Variants in TBC1D22B observed in about 807,000 individuals in gnomAD.
TBC1D22B encodes chromosome 6 open reading frame 197.
TBC1D22B carries 32 observed loss-of-function variants against 69.1 expected under a neutral mutation model. The observed-to-expected ratio is 0.46, with a 90% CI of 0.35 to 0.62. TBC1D22B has a LOEUF of 0.62. Ranked by LOEUF, TBC1D22B falls within the 20% of genes least tolerant of loss-of-function variation. The probability of loss-of-function intolerance (pLI) is 0.00; values close to 1 mark genes in which losing one functional copy is unlikely to be tolerated. For missense variants in TBC1D22B, 462 were observed against 630.9 expected, an observed-to-expected ratio of 0.73 and a Z score of 2.87; for synonymous variants, 206 against 229.8, an observed-to-expected ratio of 0.90 and a Z score of 0.94.
At chr6:37,283,633 A>G (rs1397533052) in intron 5 of TBC1D22B, among the ~76,000 whole-genome samples, 1 of 152,258 alleles carries the variant, frequency 6.6e-6, no homozygotes, top group Non-Finnish European at 1.5e-5. Context: ...TCTTGCAACC[A>G]TGCAATCATT....
rs1290026745 is a variant in TBC1D22B, at chr6:37,265,439, AT to A, written c.57-4151del. 9.2e-5 allele frequency among the ~76,000 whole-genome samples: 14 copies of A among 151,850 alleles called. No homozygotes were observed. The East Asian group carries it at 2.7e-3, about 29-fold the overall frequency. On this transcript the variant is annotated intron_variant, in intron 1 of 12. Transcript: ENST00000373491. ...CCTGCAGTTTATCCTCTGATTTTAT[AT>A]TTTATTGTGAGGAGGGCTTGTGGGC... is the stretch of plus-strand genomic sequence containing the variant.
At position 37,291,283 on chromosome 6, in the gene TBC1D22B, C is replaced by A. The variant is rs1399312067; in HGVS notation, c.908C>A (p.Pro303His). The A allele has an allele frequency of 6.2e-7, 1 of 1,613,912 alleles. No homozygotes were observed. Among genetic ancestry groups the A allele is most frequent in the Non-Finnish European group, 8.5e-7 (1 of 1,179,954 alleles). ...RILFIWAIRH[P>H]ASGYVQGIND... ...CTATTTATTTGGGCCATCCGCCACC[C>A]TGCCAGTGGGTATGTCCAGGGAATT... Residue 303 changes from proline (P) to histidine (H), a missense_variant, in exon 8 of 13, where the codon CCT (proline) becomes CAT (histidine). Pro to His is a moderately conservative substitution (Grantham distance 77). Transcript: ENST00000373491.
Position 37,293,239 on chromosome 6 carries a change from G to A in TBC1D22B, c.982+1882G>A, listed in dbSNP as rs545840962. Among the ~76,000 whole-genome samples the A allele has an allele frequency of 8.8e-4, 133 of 151,786 alleles. 1 individual carries two copies. Among genetic ancestry groups the A allele is most frequent in the African/African-American group, 2.6e-3 (108 of 41,358 alleles). ...ACTACAGGCGCCTGCCACCACGCCC[G>A]GCTAATTTTTTGTGTTTTTAGTAGA... is the stretch of plus-strand genomic sequence containing the variant. On this transcript the variant is annotated intron_variant, in intron 8 of 12. Coordinates refer to ENST00000373491, the MANE Select transcript of TBC1D22B (RefSeq NM_017772.4).
chr6:37,325,637 C>T (rs1034011746), intron 12 of TBC1D22B, among the ~76,000 whole-genome samples: 1 of 150,140 alleles, frequency 6.7e-6, no homozygotes, highest in African/African-American at 2.5e-5. Flanking sequence ...GCCACCTCTG[C>T]CTCCCGGGTT....
At chr6:37,291,678 A>T (rs540668951) in intron 8 of TBC1D22B, among the ~76,000 whole-genome samples, 1 of 152,272 alleles carries the variant, frequency 6.6e-6, no homozygotes, top group East Asian at 1.9e-4. Flanking sequence ...CATCCATGTA[A>T]ACTGGAATTT....
intron 2 of TBC1D22B, among the ~76,000 whole-genome samples, chr6:37,272,623 A>G (rs1018485054): frequency 6.6e-6 from 1 of 152,142 alleles, no homozygotes; most frequent in Non-Finnish European, 1.5e-5. Context: ...CCCGGACTCA[A>G]GTGATCAGCC....
chr6:37,259,039 A>G (rs1007601161), intron 1 of TBC1D22B, among the ~76,000 whole-genome samples: 5 of 150,510 alleles, frequency 3.3e-5, no homozygotes, highest in Admixed American at 1.3e-4. Flanking sequence ...TTTAAATGAA[A>G]TAGAGACAAG....
intron 7 of TBC1D22B, among the ~76,000 whole-genome samples, chr6:37,288,580 A>G (rs1014858002): frequency 2.0e-5 from 3 of 152,056 alleles, no homozygotes; most frequent in Non-Finnish European, 4.4e-5. Context: ...CAAAAAAATT[A>G]CAGAATTAGC....
intron 2 of TBC1D22B, among the ~76,000 whole-genome samples, chr6:37,270,918 GAGA>G (rs1325399480): frequency 2.6e-5 from 4 of 152,186 alleles, no homozygotes; most frequent in East Asian, 3.8e-4. Context: ...TGGAGACAGT[GAGA>G]AGATCAGTTG....
chr6:37,312,660 T>C (rs755707686), intron 8 of TBC1D22B, among the ~76,000 whole-genome samples: 1 of 152,182 alleles, frequency 6.6e-6, no homozygotes, highest in Non-Finnish European at 1.5e-5. Context: ...AAGAGAAAGA[T>C]ATGTTGGACC....
At position 37,269,623 on chromosome 6, in the gene TBC1D22B, C is replaced by A. The variant is rs1483752706; in HGVS notation, c.86C>A (p.Pro29His). Reference protein sequence around the residue: ...SIQPVYGAQHPPLDPRLTKNF... With the variant: ...SIQPVYGAQHHPLDPRLTKNF... ...CAGCCTGTATATGGAGCACAGCATC[C>A]TCCTCTTGACCCACGGCTCACCAAA... Residue 29 changes from proline (P) to histidine (H), a missense_variant, in exon 2 of 13, where the codon CCT becomes CAT. Pro to His is a moderately conservative substitution (Grantham distance 77). This residue lies in a region of TBC1D22B where 237 missense variants were observed against 255.4 expected (regional missense o/e 0.93). Transcript: ENST00000373491. 6.2e-7 allele frequency: 1 copy of A among 1,614,120 alleles called. No individual in the cohort carries two copies. Among genetic ancestry groups the A allele is most frequent in the South Asian group, 1.1e-5 (1 of 91,076 alleles).
chr6:37,271,438 G>A (rs1276929257), intron 2 of TBC1D22B, among the ~76,000 whole-genome samples: 2 of 152,212 alleles, frequency 1.3e-5, no homozygotes, highest in African/African-American at 4.8e-5. Flanking sequence ...TGATTATAAT[G>A]TATTAGTGTA....
At chr6:37,325,171 T>C (rs1245499420) in intron 12 of TBC1D22B, among the ~76,000 whole-genome samples, 1 of 152,184 alleles carries the variant, frequency 6.6e-6, no homozygotes, top group Non-Finnish European at 1.5e-5. Context: ...TTGTTTTTTT[T>C]CCACCCATCA....
At chr6:37,294,324 A>G (rs1562053692) in intron 8 of TBC1D22B, among the ~76,000 whole-genome samples, 1 of 152,038 alleles carries the variant, frequency 6.6e-6, no homozygotes, top group Non-Finnish European at 1.5e-5. Flanking sequence ...CACCCACCAC[A>G]CCCGGCTAAC....
intron 8 of TBC1D22B, among the ~76,000 whole-genome samples, chr6:37,301,410 C>T (rs73421970): frequency 0.032 from 4,849 of 152,282 alleles, 242 homozygotes; most frequent in African/African-American, 0.11. Context: ...CCTCCCATCC[C>T]GTGTATCCCT....
At chr6:37,308,331 A>C (rs1562061578) in intron 8 of TBC1D22B, among the ~76,000 whole-genome samples, 1 of 152,176 alleles carries the variant, frequency 6.6e-6, no homozygotes, top group Non-Finnish European at 1.5e-5. Flanking sequence ...CCTTCTGAAC[A>C]GATTGTTTAT....
chr6:37,282,788 C>A, intron 4 of TBC1D22B, 94 bp from the exon 5 acceptor site: 2 of 1,237,914 alleles, frequency 1.6e-6, no homozygotes, highest in Non-Finnish European at 2.4e-6. Flanking sequence ...GGTGGTCTTA[C>A]ATGGATGGAA....
chr6:37,291,478 T>G, intron 8 of TBC1D22B, 121 bp downstream of exon 8: 1 of 681,294 alleles, frequency 1.5e-6, no homozygotes, highest in South Asian at 2.1e-5. Context: ...GAGAGTGCCT[T>G]TGGCATACAC....
chr6:37,317,644 G>C (rs1447055071), intron 12 of TBC1D22B, among the ~76,000 whole-genome samples: 1 of 152,172 alleles, frequency 6.6e-6, no homozygotes, highest in Non-Finnish European at 1.5e-5. Flanking sequence ...ATGTAAAGGT[G>C]CTAAGAAATA....
Sources: gnomAD v4.1 joint callset for allele counts (sites outside exome capture counted in the v4.1 genomes callset) on GRCh38, gnomAD v4.1.1 for gene constraint, gnomAD v4.1.1 regional missense constraint, MANE v1.5 for transcripts, NCBI Gene and HGNC (gene_info 2026-07-23, HGNC 2026-07-21) for gene names.